MMP19: variants seen among roughly 807,000 people sequenced by gnomAD.
MMP19 encodes the protein matrix metallopeptidase 19, also known as matrix metalloproteinase-19.
In MMP19, 47 loss-of-function variants were observed where a neutral mutation model predicts 46.6. The observed-to-expected ratio is 1.01, with a 90% CI of 0.80 to 1.29. MMP19 has a LOEUF of 1.29. Among genes scored for constraint, MMP19 ranks in the 50% most tolerant of loss-of-function variants. MMP19 has a pLI of 0.00. For synonymous variants in MMP19, 222 were observed against 248.5 expected (o/e 0.89, Z 1.00); for missense variants, 589 against 643.5 (o/e 0.92, Z 0.92).
chr12:55,837,220 T>A lies in MMP19; in HGVS notation c.1343A>T (p.Tyr448Phe). 1.2e-6 allele frequency: 2 copies of A among 1,614,224 alleles called. No homozygotes were observed. Among genetic ancestry groups the A allele is most frequent in the Non-Finnish European group, 1.7e-6 (2 of 1,180,040 alleles). ...GRVYFFKGKVYWRLNQQLRVE... is the reference protein window; with the variant it reads ...GRVYFFKGKVFWRLNQQLRVE... ...TCGAAGCTGCTGGTTGAGGCGCCAG[T>A]AGACTTTGCCCTTGAAGAAGTAGAC... Residue 448 changes from tyrosine (Y) to phenylalanine (F), a missense_variant, in exon 9 of 9, where the codon TAC (tyrosine) becomes TTC (phenylalanine). Physicochemically the swap from Tyr to Phe is conservative, Grantham distance 22 (BLOSUM62 3). Coordinates refer to ENST00000322569, the MANE Select transcript of MMP19 (RefSeq NM_002429.6).
Position 55,837,363 on chromosome 12 carries a change from G to A in MMP19, c.1200C>T (p.Tyr400=), listed in dbSNP as rs1281814131. Residue 400 remains tyrosine, a synonymous_variant, in exon 9 of 9, where the codon TAC becomes TAT. Coordinates refer to ENST00000322569, the MANE Select transcript of MMP19 (RefSeq NM_002429.6). ...TTCGGGCTAGCTCGTCCCACTGCCA[G>A]TACCCGGAGCCCTGGATATGGGATG... ...QKVFLFKGSG[Y]WQWDELARTD... is the part of the protein sequence containing the mutation. 1 of 1,601,308 alleles carries A rather than the reference G, an allele frequency of 6.2e-7. No individual in the cohort carries two copies. Among genetic ancestry groups the A allele is most frequent in the East Asian group, 2.2e-5 (1 of 44,566 alleles).
At chr12:55,841,473 G>C (rs996495181) in intron 2 of MMP19, 1 of 473,568 alleles carries the variant, frequency 2.1e-6, no homozygotes, top group African/African-American at 1.9e-5. Flanking sequence ...ATTTGAGTAA[G>C]TTTGCCCTCA....
Position 55,836,795 on chromosome 12 carries a change from G to T in MMP19, c.*241C>A, listed in dbSNP as rs935951311. ...AGTTGGGGGCCAAATCTAAGTTAGG[G>T]GATCTGAGTTAGGGGAGCACTTCTC... On this transcript the variant is annotated 3_prime_UTR_variant, in exon 9 of 9. Transcript: ENST00000322569. The T allele has an allele frequency of 1.6e-5, 6 of 373,224 alleles. No homozygotes were observed. Among genetic ancestry groups the T allele is most frequent in the Non-Finnish European group, 2.9e-5 (6 of 207,912 alleles). The allele number at this position is 373,224 out of a possible 1,614,324, so 23.1% of individuals were successfully genotyped here.
Position 55,841,133 on chromosome 12 carries a change from G to T in MMP19, c.277C>A (p.Gln93Lys), listed in dbSNP as rs1881663128. 6.2e-7 allele frequency: 1 copy of T among 1,613,336 alleles called. No individual in the cohort carries two copies. The highest frequency in any genetic ancestry group is 1.8e-4 in the Middle Eastern group (1 of 5,620). ...AGCAACAGGTATTTAAGGGTCTTCTGGTTGAAGGGATCCTCTAGGCCACAA... is the reference window on the plus strand; with the variant it reads ...AGCAACAGGTATTTAAGGGTCTTCTTGTTGAAGGGATCCTCTAGGCCACAA... ...PRCGLEDPFN[Q>K]KTLKYLLLGR... The change falls in exon 3 of 9, where the codon CAG becomes AAG. Residue 93 changes from glutamine to lysine, a missense_variant. Physicochemically the swap from Gln to Lys is moderately conservative, Grantham distance 53. Transcript: ENST00000322569.
Position 55,841,141 on chromosome 12 carries a change from G to A in MMP19, c.269C>T (p.Pro90Leu), listed in dbSNP as rs369065371. 2.5e-6 allele frequency: 4 copies of A among 1,613,334 alleles called. No individual in the cohort carries two copies. The highest frequency in any genetic ancestry group is 2.5e-6 in the Non-Finnish European group (3 of 1,179,812). ...GTATTTAAGGGTCTTCTGGTTGAAG[G>A]GATCCTCTAGGCCACAACGAGGCTG... ...MRQPRCGLEDPFNQKTLKYLL... is the reference protein window; with the variant it reads ...MRQPRCGLEDLFNQKTLKYLL... The change falls in exon 3 of 9, where the codon CCC (proline) becomes CTC (leucine). Residue 90 changes from proline (P) to leucine (L), a missense_variant. Coordinates refer to ENST00000322569, the MANE Select transcript of MMP19 (RefSeq NM_002429.6).
At position 55,837,666 on chromosome 12, in the gene MMP19, G is replaced by A. The variant is rs751813125; in HGVS notation, c.1077C>T (p.Arg359=). Residue 359 remains arginine, a synonymous_variant, in exon 8 of 9, where the codon CGC becomes CGT. Coordinates refer to ENST00000322569, the MANE Select transcript of MMP19 (RefSeq NM_002429.6). ...CAGGAGACATCTTGAAATTAATGTA[G>A]CGCCACACCTTGTCTCCTGAGAGCA... ...IHFFKGDKVW[R]YINFKMSPGF... 1 of 1,614,150 alleles carries A rather than the reference G, an allele frequency of 6.2e-7. No homozygotes were observed. The highest frequency in any genetic ancestry group is 8.5e-7 in the Non-Finnish European group (1 of 1,180,034).
chr12:55,837,368 C>A lies in MMP19; in HGVS notation c.1195G>T (p.Gly399Trp). 1 of 1,598,742 alleles carries A rather than the reference C, an allele frequency of 6.3e-7. No individual in the cohort carries two copies. Reference sequence around the variant, plus strand: ...GCTAGCTCGTCCCACTGCCAGTACCCGGAGCCCTGGATATGGGATGGGTGG... The same window carrying A: ...GCTAGCTCGTCCCACTGCCAGTACCAGGAGCCCTGGATATGGGATGGGTGG... ...NQKVFLFKGS[G>W]YWQWDELART... is the part of the protein sequence containing the mutation. The change falls in exon 9 of 9, where the codon GGG becomes TGG. Residue 399 changes from glycine (G) to tryptophan (W), a missense_variant. Transcript: ENST00000322569.
rs1417011527 is a variant in MMP19 at position 55,837,235 on chromosome 12, A to G, written c.1328T>C (p.Phe443Ser). 3.7e-6 allele frequency: 6 copies of G among 1,614,164 alleles called. No individual in the cohort carries two copies. Among genetic ancestry groups the G allele is most frequent in the South Asian group, 1.1e-5 (1 of 91,086 alleles). Residue 443 changes from phenylalanine to serine, a missense_variant, in exon 9 of 9, where the codon TTC becomes TCC. Phe to Ser is a radical substitution (Grantham distance 155). Coordinates refer to ENST00000322569, the MANE Select transcript of MMP19 (RefSeq NM_002429.6). The stretch of plus-strand genomic sequence containing the variant: ...GAGGCGCCAGTAGACTTTGCCCTTG[A>G]AGAAGTAGACTCGGCCATCTTGCCA... The part of the protein sequence containing the change: ...MSWQDGRVYF[F>S]KGKVYWRLNQ...
At position 55,842,891 on chromosome 12, in the gene MMP19, C is replaced by G. The variant is rs542432167; in HGVS notation, c.-61G>C. The G allele has an allele frequency of 5.8e-6, 8 of 1,388,252 alleles. No homozygotes were observed. Among genetic ancestry groups the G allele is most frequent in the Non-Finnish European group, 8.0e-6 (8 of 1,001,654 alleles). The allele number at this position is 1,388,252 out of a possible 1,614,324, so 86.0% of individuals were successfully genotyped here. ...GCCTCTGACCTGAGATTTCTGGGAGCCTTGGGGGAGCAGTGCTAGGCAGAG... is the reference window on the plus strand; with the variant it reads ...GCCTCTGACCTGAGATTTCTGGGAGGCTTGGGGGAGCAGTGCTAGGCAGAG... On this transcript the variant is annotated 5_prime_UTR_variant, in exon 1 of 9. Coordinates refer to ENST00000322569, the MANE Select transcript of MMP19 (RefSeq NM_002429.6).
chr12:55,842,649 G>A, intron 1 of MMP19, 95 bp downstream of exon 1: 1 of 1,055,304 alleles, frequency 9.5e-7, no homozygotes, highest in Non-Finnish European at 1.4e-6. Context: ...GGGAAAGGCA[G>A]GCAGGCTGAA....
rs772008075 is a variant in MMP19, at chr12:55,840,821, G to A, written c.366C>T (p.Pro122=). Residue 122 remains proline, a synonymous_variant, in exon 4 of 9, where the codon CCC becomes CCT. Transcript: ENST00000322569. The stretch of plus-strand genomic sequence containing the variant: ...GACGCAGGGCTGCCCGGGCTGTGTG[G>A]GGTGGAAGGGTGGAGGGCAGGTTCA... The part of the protein sequence containing the change: ...RILNLPSTLP[P]HTARAALRQA... 8.7e-6 allele frequency: 14 copies of A among 1,609,376 alleles called. 1 individual carries two copies. The highest frequency in any genetic ancestry group is 3.3e-4 in the Middle Eastern group (2 of 6,046).
At position 55,837,635 on chromosome 12, in the gene MMP19, G is replaced by GATTT; in HGVS notation, c.1107_1108insAAAT (p.Pro370LysfsTer7). 6.2e-7 allele frequency: 1 copy of GATTT among 1,614,170 alleles called. No individual in the cohort carries two copies. The highest frequency in any genetic ancestry group is 8.5e-7 in the Non-Finnish European group (1 of 1,180,034). On this transcript the variant is annotated frameshift_variant, in exon 8 of 9. Transcript: ENST00000322569. LOFTEE classifies it high-confidence loss of function. Reference sequence around the variant, plus strand: ...GGTTCTACCCTATTCAGCTTCTTGGGGAAGCCAGGAGACATCTTGAAATTA... The same window carrying GATTT: ...GGTTCTACCCTATTCAGCTTCTTGGGATTTGAAGCCAGGAGACATCTTGAAATTA...
rs555384599 is a variant in MMP19 at position 55,839,688 on chromosome 12, C to G, written c.574G>C (p.Glu192Gln). Reference sequence around the variant, plus strand: ...GTCCCCTCAGTCCAGAACTCGTCTTCGTCGAAGTGCACACTGCCCAGCTCT... The same window carrying G: ...GTCCCCTCAGTCCAGAACTCGTCTTGGTCGAAGTGCACACTGCCCAGCTCT... ...IPELGSVHFDEDEFWTEGTYR... is the reference protein window; with the variant it reads ...IPELGSVHFDQDEFWTEGTYR... The change falls in exon 5 of 9, where the codon GAA becomes CAA. Residue 192 changes from glutamate (E) to glutamine (Q), a missense_variant. Physicochemically the swap from Glu to Gln is conservative, Grantham distance 29 (BLOSUM62 2). Transcript: ENST00000322569. The G allele has an allele frequency of 1.2e-6, 2 of 1,614,182 alleles. No individual in the cohort carries two copies. Among genetic ancestry groups the G allele is most frequent in the Non-Finnish European group, 8.5e-7 (1 of 1,180,006 alleles).
Position 55,842,735 on chromosome 12 carries a change from G to C in MMP19, c.87+9C>G. ...CCGCTGGCCCAGGTCTCTTTCTTGG[G>C]GGACTTACCACAGGCGCCACCTCTG... On this transcript the variant is annotated intron_variant, in intron 1 of 8. Transcript: ENST00000322569. 1 of 1,598,834 alleles carries C rather than the reference G, an allele frequency of 6.3e-7. No homozygotes were observed. The highest frequency in any genetic ancestry group is 1.1e-5 in the South Asian group (1 of 88,884).
At position 55,839,578 on chromosome 12, in the gene MMP19, G is replaced by A. The variant is rs780726243; in HGVS notation, c.684C>T (p.Ala228=). Residue 228 remains alanine, a synonymous_variant, in exon 5 of 9, where the codon GCC becomes GCT. Transcript: ENST00000322569. The stretch of plus-strand genomic sequence containing the variant: ...AGCCCTCGTAGACTGGGGCCATGAG[G>A]GCCTGGGAATATCGGGAGTGCCCAA... ...LGLGHSRYSQ[A]LMAPVYEGYR... is the part of the protein sequence containing the mutation. 15 of 1,614,086 alleles carry A rather than the reference G, an allele frequency of 9.3e-6. No homozygotes were observed. Among genetic ancestry groups the A allele is most frequent in the Non-Finnish European group, 1.2e-5 (14 of 1,180,032 alleles).
intron 1 of MMP19, 116 bp from the exon 2 acceptor site, chr12:55,842,554 A>C (rs1033523311): frequency 2.8e-5 from 26 of 934,268 alleles, no homozygotes; most frequent in African/African-American, 4.9e-5. Flanking sequence ...GCACTAATGG[A>C]GAAGCACCTT....
rs146403059 is a variant in MMP19, at chr12:55,839,542, G to A, written c.720C>T (p.His240=). The change falls in exon 5 of 9, where the codon CAC becomes CAT. Residue 240 remains histidine, a synonymous_variant. Transcript: ENST00000322569. ...CCACATCATCTGGGTGCAGCTTAAA[G>A]TGGGGCCGGTAGCCCTCGTAGACTG... is the stretch of plus-strand genomic sequence containing the variant. ...MAPVYEGYRP[H]FKLHPDDVAG... The A allele has an allele frequency of 1.9e-5, 30 of 1,613,702 alleles. No individual in the cohort carries two copies. In the African/African-American group the frequency reaches 3.1e-4, roughly 16 times the overall value.
At chr12:55,838,870 C>T in intron 5 of MMP19, 136 bp from the exon 6 acceptor site, 2 of 677,990 alleles carry the variant, frequency 2.9e-6, no homozygotes, top group Admixed American at 5.8e-5. Flanking sequence ...TTGTGGTAGG[C>T]AATATTATGT....
At chr12:55,841,365 G>C in intron 2 of MMP19, 129 bp from the exon 3 acceptor site, 1 of 1,015,572 alleles carries the variant, frequency 9.8e-7, no homozygotes, top group Non-Finnish European at 1.5e-6. Flanking sequence ...AAGCTGACAG[G>C]GTTACTCCAG....
Sources: allele counts gnomAD v4.1 joint callset, GRCh38; gene constraint gnomAD v4.1.1; transcripts MANE v1.5; gene names NCBI Gene and HGNC (gene_info 2026-07-23, HGNC 2026-07-21).